RPS6KC1: variants seen among roughly 807,000 people sequenced by gnomAD.
The protein encoded by RPS6KC1 is ribosomal protein S6 kinase C1, also known as inactive ribosomal protein S6 kinase delta-1.
In RPS6KC1, 54 loss-of-function variants were observed where a neutral mutation model predicts 103.8. That is an observed-to-expected ratio of 0.52 (90% CI 0.42 to 0.65). RPS6KC1 has a LOEUF of 0.65. Among genes scored for constraint, RPS6KC1 ranks in the 30% least tolerant of loss-of-function variants. RPS6KC1 has a pLI of 0.00. For synonymous variants in RPS6KC1, 439 were observed against 438.7 expected, an observed-to-expected ratio of 1.00 and a Z score of -0.01; for missense variants, 1,151 against 1,253.8, an observed-to-expected ratio of 0.92 and a Z score of 1.24.
the RPS6KC1 span, among the ~76,000 whole-genome samples, chr1:213,711,372 T>C: frequency 6.6e-6 from 1 of 152,182 alleles, no homozygotes; most frequent in African/African-American, 2.4e-5. Flanking sequence ...TTCATTTATG[T>C]TCTTCTGTAA....
chr1:213,407,724 G>C, the RPS6KC1 span, among the ~76,000 whole-genome samples: 529 of 152,208 alleles, frequency 3.5e-3, 3 homozygotes, highest in African/African-American at 0.012. Context: ...TCTAAGTAGG[G>C]CTCTTCTTGC....
chr1:213,420,456 G>A, the RPS6KC1 span, among the ~76,000 whole-genome samples: 733 of 152,288 alleles, frequency 4.8e-3, 10 homozygotes, highest in African/African-American at 0.017. Context: ...CTGTCAGAAC[G>A]GCCCTGAAGC....
the RPS6KC1 span, among the ~76,000 whole-genome samples, chr1:213,328,230 C>G: frequency 2.0e-5 from 3 of 151,912 alleles, no homozygotes; most frequent in African/African-American, 7.3e-5. Flanking sequence ...AAACCTAATG[C>G]TGCCTAAGGT....
chr1:213,730,208 A>G, the RPS6KC1 span, among the ~76,000 whole-genome samples: 3 of 152,092 alleles, frequency 2.0e-5, no homozygotes, highest in Admixed American at 2.0e-4. Context: ...TGTCTTTGCT[A>G]TTGTGAATAG....
At chr1:213,790,862 C>T in the RPS6KC1 span, among the ~76,000 whole-genome samples, 1 of 152,146 alleles carries the variant, frequency 6.6e-6, no homozygotes, top group African/African-American at 2.4e-5. Flanking sequence ...GGAGTATCTT[C>T]TATTTGGAAT....
At chr1:213,098,377 A>G (rs932673517) in intron 3 of RPS6KC1, among the ~76,000 whole-genome samples, 1 of 151,036 alleles carries the variant, frequency 6.6e-6, no homozygotes, top group South Asian at 2.1e-4. Flanking sequence ...CCTGGGCTCA[A>G]CTGATCAGCC....
chr1:213,444,702 C>CCATT, the RPS6KC1 span, among the ~76,000 whole-genome samples: 3 of 135,688 alleles, frequency 2.2e-5, no homozygotes, highest in African/African-American at 8.4e-5. Flanking sequence ...TGATATCGTG[C>CCATT]CATTGCACTC....
intron 8 of RPS6KC1, among the ~76,000 whole-genome samples, chr1:213,218,294 C>G (rs992857136): frequency 6.6e-6 from 1 of 152,012 alleles, no homozygotes; most frequent in Admixed American, 6.6e-5. Flanking sequence ...ATTAAAATAC[C>G]TAGGAATCCA....
At chr1:213,333,880 C>T in the RPS6KC1 span, among the ~76,000 whole-genome samples, 4 of 152,282 alleles carry the variant, frequency 2.6e-5, no homozygotes, top group East Asian at 7.7e-4. Context: ...AGGGCTTTCA[C>T]AATGTTGGCC....
the RPS6KC1 span, among the ~76,000 whole-genome samples, chr1:213,836,568 G>T: frequency 6.7e-6 from 1 of 150,174 alleles, no homozygotes; most frequent in Non-Finnish European, 1.5e-5. Context: ...ATTGATGTGA[G>T]TTAAAGAGTA....
At chr1:213,548,865 A>G in the RPS6KC1 span, among the ~76,000 whole-genome samples, 3 of 152,200 alleles carry the variant, frequency 2.0e-5, no homozygotes, top group South Asian at 2.1e-4. Context: ...TTCAATATAT[A>G]TTTCCTAACT....
At chr1:213,681,599 C>T in the RPS6KC1 span, among the ~76,000 whole-genome samples, 1 of 152,044 alleles carries the variant, frequency 6.6e-6, no homozygotes, top group Non-Finnish European at 1.5e-5. Flanking sequence ...GAGTTCAAGA[C>T]CAGCCTGGGA....
At chr1:213,654,147 C>T in the RPS6KC1 span, among the ~76,000 whole-genome samples, 7 of 152,240 alleles carry the variant, frequency 4.6e-5, no homozygotes, top group Admixed American at 2.6e-4. Context: ...AAGCTTCTGA[C>T]AGCTCCAAGT....
At chr1:213,570,682 T>A in the RPS6KC1 span, among the ~76,000 whole-genome samples, 3 of 152,182 alleles carry the variant, frequency 2.0e-5, no homozygotes, top group Non-Finnish European at 2.9e-5. Flanking sequence ...AGTTGTCCAC[T>A]TTTTATCAAA....
At chr1:213,549,896 G>C in the RPS6KC1 span, among the ~76,000 whole-genome samples, 1 of 151,916 alleles carries the variant, frequency 6.6e-6, no homozygotes, top group African/African-American at 2.4e-5. Context: ...CAGTTTCACA[G>C]AAGCAAGCAC....
At chr1:213,484,703 C>A in the RPS6KC1 span, among the ~76,000 whole-genome samples, 1 of 152,316 alleles carries the variant, frequency 6.6e-6, no homozygotes, top group Admixed American at 6.5e-5. Flanking sequence ...TAAGTTAATT[C>A]TTTGTCCTCC....
chr1:213,620,913 C>G, the RPS6KC1 span, among the ~76,000 whole-genome samples: 2 of 152,172 alleles, frequency 1.3e-5, no homozygotes, highest in African/African-American at 2.4e-5. Flanking sequence ...CAGGGAAGAG[C>G]CTCTTCCCAG....
chr1:213,656,290 C>A, the RPS6KC1 span, among the ~76,000 whole-genome samples: 1 of 152,180 alleles, frequency 6.6e-6, no homozygotes, highest in East Asian at 1.9e-4. Context: ...CTTCCCCCAG[C>A]CTAGCACAAG....
chr1:213,492,709 C>G, the RPS6KC1 span: 2 of 152,284 alleles, frequency 1.3e-5, no homozygotes, highest in Non-Finnish European at 2.9e-5. Flanking sequence ...CCTGTGCTTA[C>G]TCTCCCTCTT....
Sources: gnomAD v4.1 joint callset for allele counts (sites outside exome capture counted in the v4.1 genomes callset) on GRCh38, gnomAD v4.1.1 for gene constraint, MANE v1.5 for transcripts, NCBI Gene and HGNC (gene_info 2026-07-23, HGNC 2026-07-21) for gene names.